EHMT1: variants seen among roughly 807,000 people sequenced by gnomAD.
The protein encoded by EHMT1 is euchromatic histone lysine methyltransferase 1.
Under a neutral mutation model 147.2 loss-of-function variants are expected in EHMT1, and 15 were observed. The ratio of observed to expected loss-of-function variants is 0.10; its 90% CI spans 0.07 to 0.16. The LOEUF is 0.16. Ranked by LOEUF, EHMT1 falls within the 10% of genes least tolerant of loss-of-function variation. The pLI is 1.00. For missense variants in EHMT1, 1,587 were observed against 1,772.4 expected (o/e 0.90, Z 1.88); for synonymous variants, 795 against 709.6 (o/e 1.12, Z -1.91).
At chr9:137,671,470 C>G (rs1313657763) in intron 1 of EHMT1, among the ~76,000 whole-genome samples, 1 of 151,092 alleles carries the variant, frequency 6.6e-6, no homozygotes, top group African/African-American at 2.4e-5. Flanking sequence ...AGATAATGCC[C>G]TGTCAAAACA....
chr9:137,648,806 C>T (rs1010429390), intron 1 of EHMT1, among the ~76,000 whole-genome samples: 1 of 152,226 alleles, frequency 6.6e-6, no homozygotes, highest in Non-Finnish European at 1.5e-5. Context: ...GCTGGTTCAT[C>T]AGAAGATCCC....
At chr9:137,652,560 AT>A (rs1205196116) in intron 1 of EHMT1, among the ~76,000 whole-genome samples, 1 of 147,446 alleles carries the variant, frequency 6.8e-6, no homozygotes, top group Non-Finnish European at 1.5e-5. Context: ...TAGTTTTTTT[AT>A]TTTTAGTAGA....
rs369147206 is a variant in EHMT1, at chr9:137,694,239, G to A, written c.22-16728G>A. On this transcript the variant is annotated intron_variant, in intron 1 of 26. Transcript: ENST00000460843. ...TACCCCCCACACAGTGGCACAGGAC[G>A]CTGGCCGATACCCCCACACAGTGGC... is the stretch of plus-strand genomic sequence containing the variant. Among the ~76,000 whole-genome samples, 596 of 95,938 alleles carry A rather than the reference G, an allele frequency of 6.2e-3. 37 individuals carry two copies. Among genetic ancestry groups the A allele is most frequent in the South Asian group, 0.019 (46 of 2,466 alleles). 62.9% of individuals were successfully genotyped at this position (95,938 alleles called of 152,430 possible).
chr9:137,669,820 T>A lies in EHMT1; in HGVS notation c.22-41147T>A, dbSNP rs117597986. Among the ~76,000 whole-genome samples the A allele has an allele frequency of 8.3e-3, 1,259 of 152,260 alleles. 10 individuals carry two copies. The highest frequency in any genetic ancestry group is 0.014 in the Non-Finnish European group (960 of 68,020). On this transcript the variant is annotated intron_variant, in intron 1 of 26. Coordinates refer to ENST00000460843, the MANE Select transcript of EHMT1 (RefSeq NM_024757.5). Reference sequence around the variant, plus strand: ...CTCCCATCTGGGCCTCTCAAAGCGCTGATATTACAGGTGTGAGCCATGATG... The same window carrying A: ...CTCCCATCTGGGCCTCTCAAAGCGCAGATATTACAGGTGTGAGCCATGATG...
chr9:137,648,333 A>G (rs1354240821), intron 1 of EHMT1, among the ~76,000 whole-genome samples: 1 of 152,090 alleles, frequency 6.6e-6, no homozygotes, highest in African/African-American at 2.4e-5. Context: ...AATTCAGTAA[A>G]GGAACTGGAT....
intron 17 of EHMT1, among the ~76,000 whole-genome samples, 174 bp downstream of exon 17, chr9:137,799,088 A>G (rs11137236): frequency 2.6e-4 from 37 of 142,298 alleles, no homozygotes; most frequent in South Asian, 4.6e-4. Context: ...GACCCTCCAC[A>G]GCGTCCCATC....
chr9:137,833,371 G>A (rs890211742), intron 25 of EHMT1, among the ~76,000 whole-genome samples: 27 of 152,236 alleles, frequency 1.8e-4, no homozygotes, highest in Non-Finnish European at 3.1e-4. Context: ...CACCCACTCG[G>A]CCCAGTGTGC....
chr9:137,813,622 G>A lies in EHMT1; in HGVS notation c.3180+92G>A, dbSNP rs151233790. Reference sequence around the variant, plus strand: ...TGGGGTCCTGGGTTCTCACCACTCAGAGCAGGAGGGCTTATGGGGGGCTTC... The same window carrying A: ...TGGGGTCCTGGGTTCTCACCACTCAAAGCAGGAGGGCTTATGGGGGGCTTC... On this transcript the variant is annotated intron_variant, in intron 21 of 26. Transcript: ENST00000460843. This position sits in a 1 kb window ranked among gnomAD's most constrained non-coding sequence, Gnocchi z 4.9. 4 of 1,560,080 alleles carry A rather than the reference G, an allele frequency of 2.6e-6. No homozygotes were observed. The highest frequency in any genetic ancestry group is 2.6e-6 in the Non-Finnish European group (3 of 1,148,462).
At chr9:137,696,672 C>T (rs1260241272) in intron 1 of EHMT1, among the ~76,000 whole-genome samples, 2 of 152,120 alleles carry the variant, frequency 1.3e-5, no homozygotes, top group African/African-American at 2.4e-5. Context: ...TGTAGAATCA[C>T]GAAGATAAGT....
chr9:137,829,088 C>G (rs1203118885), intron 25 of EHMT1, among the ~76,000 whole-genome samples: 2 of 152,220 alleles, frequency 1.3e-5, no homozygotes, highest in African/African-American at 2.4e-5. Context: ...GTCTCACAGA[C>G]GTTGCCACTG....
Position 137,809,036 on chromosome 9 carries a change from G to A in EHMT1, c.2713-2425G>A, listed in dbSNP as rs1401293577. ...CCTTTTGTTCAAGGAGCTCTGAAAT[G>A]TATGGAGGAGGGAAGCCAGAAACAA... On this transcript the variant is annotated intron_variant, in intron 18 of 26. Coordinates refer to ENST00000460843, the MANE Select transcript of EHMT1 (RefSeq NM_024757.5). Among the ~76,000 whole-genome samples the A allele has an allele frequency of 3.9e-5, 6 of 152,320 alleles. No individual in the cohort carries two copies. The East Asian group carries it at 1.2e-3, about 29-fold the overall frequency.
chr9:137,745,829 T>G (rs918789017), intron 6 of EHMT1: 4 of 305,116 alleles, frequency 1.3e-5, no homozygotes, highest in African/African-American at 8.7e-5. Context: ...GACTGTATCC[T>G]TCCACCTGCA....
At chr9:137,789,212 A>ATGC in intron 15 of EHMT1, 1 of 152,036 alleles carries the variant, frequency 6.6e-6, no homozygotes, top group Non-Finnish European at 1.5e-5. Context: ...AAGGACACCC[A>ATGC]TCGTCCCCTA....
At position 137,669,802 on chromosome 9, in the gene EHMT1, C is replaced by A. The variant is rs187076907; in HGVS notation, c.22-41165C>A. On this transcript the variant is annotated intron_variant, in intron 1 of 26. Coordinates refer to ENST00000460843, the MANE Select transcript of EHMT1 (RefSeq NM_024757.5). ...TCTTGGCCTTAAGTGATCCTCCCAT[C>A]TGGGCCTCTCAAAGCGCTGATATTA... Among the ~76,000 whole-genome samples the A allele has an allele frequency of 2.4e-3, 363 of 152,290 alleles. 1 individual carries two copies. Among genetic ancestry groups the A allele is most frequent in the African/African-American group, 8.5e-3 (353 of 41,564 alleles).
chr9:137,694,125 A>G (rs1286059949), intron 1 of EHMT1, among the ~76,000 whole-genome samples: 2 of 80,782 alleles, frequency 2.5e-5, no homozygotes, highest in Non-Finnish European at 4.7e-5. Context: ...ACCCCCACAC[A>G]GTGGCGCAGG....
intron 1 of EHMT1, among the ~76,000 whole-genome samples, chr9:137,677,910 GAAA>G (rs527549382): frequency 7.1e-6 from 1 of 140,172 alleles, no homozygotes; most frequent in Non-Finnish European, 1.6e-5. Context: ...TACAAAAAAA[GAAA>G]AAAAAAAAAG....
intron 19 of EHMT1, 99 bp downstream of exon 19, chr9:137,811,714 T>G: frequency 6.7e-7 from 1 of 1,496,028 alleles, no homozygotes; most frequent in Non-Finnish European, 9.1e-7. Flanking sequence ...GGGGCGTGAG[T>G]GGACACAGGC....
chr9:137,625,384 TGGAGAGAGACA>T (rs1564515609), intron 1 of EHMT1, among the ~76,000 whole-genome samples: 1 of 152,118 alleles, frequency 6.6e-6, no homozygotes, highest in East Asian at 1.9e-4. Context: ...TTGTTGTTGT[TGGAGAGAGACA>T]GTCTCACTAT....
rs946557022 is a variant in EHMT1 at position 137,728,643 on chromosome 9, C to G, written c.823+114C>G. 53 of 1,433,396 alleles carry G rather than the reference C, an allele frequency of 3.7e-5. 1 individual carries two copies. Among genetic ancestry groups the G allele is most frequent in the Non-Finnish European group, 5.0e-5 (52 of 1,031,150 alleles). 88.8% of individuals were successfully genotyped at this position (1,433,396 alleles called of 1,614,324 possible). On this transcript the variant is annotated intron_variant, in intron 4 of 26. Transcript: ENST00000460843. Reference sequence around the variant, plus strand: ...TGCCTGTGCTGCTCTTGATGAATGACTGTTGACGTCAGCTGGCCCTCCTGT... The same window carrying G: ...TGCCTGTGCTGCTCTTGATGAATGAGTGTTGACGTCAGCTGGCCCTCCTGT...
Sources: allele counts gnomAD v4.1 joint callset (sites outside exome capture counted in the v4.1 genomes callset), GRCh38; gene constraint gnomAD v4.1.1; non-coding constraint Gnocchi (gnomAD v3.1); transcripts MANE v1.5; gene names NCBI Gene and HGNC (gene_info 2026-07-23, HGNC 2026-07-21).